Variants in ANKFY1 observed in about 807,000 individuals in gnomAD.
The protein encoded by ANKFY1 is ankyrin repeat and FYVE domain-containing protein 1.
A neutral mutation model predicts 128.3 loss-of-function variants in ANKFY1; 47 were observed. The observed-to-expected ratio is 0.37, with a 90% confidence interval of 0.29 to 0.47. The LOEUF (loss-of-function observed/expected upper bound fraction) is 0.47. Among genes scored for constraint, ANKFY1 ranks in the 20% least tolerant of loss-of-function variants. ANKFY1 has a pLI of 1.00. For missense variants in ANKFY1, 1,222 were observed against 1,510.6 expected (o/e 0.81, Z 3.17); for synonymous variants, 553 against 601.6 (o/e 0.92, Z 1.18).
intron 8 of ANKFY1, among the ~76,000 whole-genome samples, chr17:4,195,989 A>ACC (rs2059811818): frequency 7.4e-6 from 1 of 135,366 alleles, no homozygotes; most frequent in Non-Finnish European, 1.6e-5. Flanking sequence ...ACACACACAC[A>ACC]CCCCCGAGTC....
At position 4,217,443 on chromosome 17, in the gene ANKFY1, G is replaced by A. The variant is rs531901469; in HGVS notation, c.323-325C>T. Among the ~76,000 whole-genome samples, 8 of 152,070 alleles carry A rather than the reference G, an allele frequency of 5.3e-5. No individual in the cohort carries two copies. The South Asian group carries it at 8.3e-4, about 16-fold the overall frequency. Reference sequence around the variant, plus strand: ...CGTGCACCTGTAATCCCAGCTACTCGGGCTGAGGCAGGAGAATCGCTTGAA... The same window carrying A: ...CGTGCACCTGTAATCCCAGCTACTCAGGCTGAGGCAGGAGAATCGCTTGAA... On this transcript the variant is annotated intron_variant, in intron 3 of 24. Transcript: ENST00000341657.
chr17:4,212,406 A>G (rs2060149252), intron 4 of ANKFY1, among the ~76,000 whole-genome samples: 1 of 152,098 alleles, frequency 6.6e-6, no homozygotes, highest in Admixed American at 6.5e-5. Context: ...TAAAGATGTT[A>G]CTCTACTTCA....
intron 3 of ANKFY1, among the ~76,000 whole-genome samples, chr17:4,226,288 G>A (rs1004533648): frequency 3.3e-5 from 5 of 152,094 alleles, no homozygotes; most frequent in South Asian, 2.1e-4. Flanking sequence ...TTGGGAGGCC[G>A]AGGTGGGAAG....
chr17:4,208,065 C>T lies in ANKFY1; in HGVS notation c.600G>A (p.Glu200=), dbSNP rs778679760. 1 of 1,607,390 alleles carries T rather than the reference C, an allele frequency of 6.2e-7. No homozygotes were observed. The highest frequency in any genetic ancestry group is 1.1e-5 in the South Asian group (1 of 89,612). ...ACTGAGCGCTCATGCTGCTGAAATC[C>T]TCCTTCCTCAGGTCGTCCTGAGAAT... ...IASHWDDLRK[E]DFSSMSAQLL... The change falls in exon 6 of 25, where the codon GAG becomes GAA. Residue 200 remains glutamate, a synonymous_variant. Transcript: ENST00000341657.
At position 4,263,952 on chromosome 17, in the gene ANKFY1, G is replaced by A. The variant is rs1338984740; in HGVS notation, c.-11C>T. On this transcript the variant is annotated 5_prime_UTR_variant, in exon 1 of 25. Coordinates refer to ENST00000341657, the MANE Select transcript of ANKFY1 (RefSeq NM_001330063.2). ...CCTACCTTCCGCCATGTCTGGCCCGGCACTGCCTGCAACCTCGCGAGAAGT... is the reference window on the plus strand; with the variant it reads ...CCTACCTTCCGCCATGTCTGGCCCGACACTGCCTGCAACCTCGCGAGAAGT... 1.9e-6 allele frequency: 3 copies of A among 1,613,882 alleles called. No homozygotes were observed. Among genetic ancestry groups the A allele is most frequent in the African/African-American group, 1.3e-5 (1 of 74,954 alleles).
intron 14 of ANKFY1, among the ~76,000 whole-genome samples, 191 bp downstream of exon 14, chr17:4,183,207 C>G (rs2059546754): frequency 6.6e-6 from 1 of 152,240 alleles, no homozygotes; most frequent in Admixed American, 6.5e-5. Flanking sequence ...AGGACAGTTC[C>G]TTTCCGCCAT....
intron 4 of ANKFY1, among the ~76,000 whole-genome samples, chr17:4,215,508 T>G (rs2143021116): frequency 6.6e-6 from 1 of 152,210 alleles, no homozygotes; most frequent in African/African-American, 2.4e-5. Context: ...CTCAAGCATG[T>G]AATTCCTTCC....
At chr17:4,220,501 A>G (rs775853441) in intron 3 of ANKFY1, among the ~76,000 whole-genome samples, 27 of 152,218 alleles carry the variant, frequency 1.8e-4, no homozygotes, top group African/African-American at 6.3e-4. Context: ...ACTATTTGCA[A>G]ACTTGCCCGG....
At chr17:4,240,997 C>T (rs1408366110) in intron 2 of ANKFY1, among the ~76,000 whole-genome samples, 1 of 152,206 alleles carries the variant, frequency 6.6e-6, no homozygotes, top group African/African-American at 2.4e-5. Context: ...TACCTCAAAA[C>T]TCACTTAATA....
intron 7 of ANKFY1, among the ~76,000 whole-genome samples, chr17:4,200,446 C>A (rs2059907923): frequency 6.6e-6 from 1 of 152,326 alleles, no homozygotes; most frequent in South Asian, 2.1e-4. Flanking sequence ...CCATGTGTGA[C>A]TCTGATGGGT....
At chr17:4,179,654 G>T in intron 17 of ANKFY1, 67 bp downstream of exon 17, 1 of 1,580,268 alleles carries the variant, frequency 6.3e-7, no homozygotes. Flanking sequence ...AAGGTCCTCT[G>T]CCATAGGAGG....
At chr17:4,251,405 T>C (rs936308502) in intron 1 of ANKFY1, among the ~76,000 whole-genome samples, 6 of 151,920 alleles carry the variant, frequency 3.9e-5, no homozygotes, top group African/African-American at 1.5e-4. Flanking sequence ...CATCTGTGAA[T>C]AGCCACTGCA....
At position 4,183,499 on chromosome 17, in the gene ANKFY1, G is replaced by A. The variant is rs1182151049; in HGVS notation, c.1851C>T (p.Asp617=). Residue 617 remains aspartate, a synonymous_variant, in exon 14 of 25, where the codon GAC becomes GAT. Transcript: ENST00000341657. The part of the protein sequence containing the change: ...QLLGSGAAIN[D]TMSDGQTLLH... ...GTAGCGTCTGCCCATCCGACATGGT[G>A]TCATTGATGGCGGCTCCAGAGCCCA... 6.2e-7 allele frequency: 1 copy of A among 1,613,124 alleles called. No individual in the cohort carries two copies. The highest frequency in any genetic ancestry group is 1.3e-5 in the African/African-American group (1 of 74,890).
chr17:4,172,492 T>A, intron 22 of ANKFY1, 64 bp downstream of exon 22: 1 of 1,581,858 alleles, frequency 6.3e-7, no homozygotes, highest in South Asian at 1.1e-5. Flanking sequence ...GTGCCTGGGC[T>A]CTTGCTTTTC....
chr17:4,170,350 CT>C (rs1317205718), intron 23 of ANKFY1, among the ~76,000 whole-genome samples: 4 of 152,254 alleles, frequency 2.6e-5, no homozygotes, highest in Admixed American at 2.6e-4. Context: ...CTGATAGGGG[CT>C]GGAGCAGCAG....
At chr17:4,238,559 C>T (rs1345533805) in intron 2 of ANKFY1, among the ~76,000 whole-genome samples, 1 of 152,006 alleles carries the variant, frequency 6.6e-6, no homozygotes, top group East Asian at 1.9e-4. Flanking sequence ...CCACAACCTC[C>T]ACCTCCCAGG....
At chr17:4,203,830 A>C (rs868474956) in intron 7 of ANKFY1, among the ~76,000 whole-genome samples, 63 of 133,118 alleles carry the variant, frequency 4.7e-4, no homozygotes, top group Admixed American at 7.0e-4. Flanking sequence ...ACAACAACAA[A>C]AAAAAAAAAA....
At position 4,184,870 on chromosome 17, in the gene ANKFY1, C is replaced by T; in HGVS notation, c.1647G>A (p.Met549Ile). 1 of 1,614,020 alleles carries T rather than the reference C, an allele frequency of 6.2e-7. No homozygotes were observed. Among genetic ancestry groups the T allele is most frequent in the Non-Finnish European group, 8.5e-7 (1 of 1,180,044 alleles). The change falls in exon 12 of 25, where the codon ATG becomes ATA. Residue 549 changes from methionine (M) to isoleucine (I), a missense_variant. Transcript: ENST00000341657. ...DSVHLQTPLH[M>I]AIAYNHPDVV... Reference sequence around the variant, plus strand: ...CATCCGGATGGTTATAGGCGATCGCCATGTGCAGTGGCGTCTGCAGATGGA... The same window carrying T: ...CATCCGGATGGTTATAGGCGATCGCTATGTGCAGTGGCGTCTGCAGATGGA...
At chr17:4,203,121 G>A (rs1436501214) in intron 7 of ANKFY1, among the ~76,000 whole-genome samples, 1 of 152,046 alleles carries the variant, frequency 6.6e-6, no homozygotes, top group African/African-American at 2.4e-5. Flanking sequence ...CAGAAGAGCA[G>A]AACAAAGGGA....
Sources: allele counts gnomAD v4.1 joint callset (sites outside exome capture counted in the v4.1 genomes callset), GRCh38; gene constraint gnomAD v4.1.1; transcripts MANE v1.5; gene names NCBI Gene and HGNC (gene_info 2026-07-23, HGNC 2026-07-21).